The following PLCH2 variants were observed in gnomAD, a reference collection of about 807,000 sequenced individuals.
The protein encoded by PLCH2 is phospholipase C eta 2.
Under a neutral mutation model 134.7 loss-of-function variants are expected in PLCH2, and 98 were observed. The observed-to-expected ratio is 0.73, with a 90% CI of 0.62 to 0.86. The LOEUF (loss-of-function observed/expected upper bound fraction) is 0.86. PLCH2 is among the 40% of genes least tolerant of loss of function. The probability of loss-of-function intolerance (pLI) is 0.00; values close to 1 mark genes in which losing one functional copy is unlikely to be tolerated. For missense variants in PLCH2, 1,994 were observed against 1,986.6 expected, an observed-to-expected ratio of 1.00 and a Z score of -0.07; for synonymous variants, 974 against 827.5, an observed-to-expected ratio of 1.18 and a Z score of -3.04.
chr1:2,498,857 C>T lies in PLCH2; in HGVS notation c.2434+29C>T. Reference sequence around the variant, plus strand: ...AGGCTGGGCCGTGGCTCCGTCACACCTGTGATGGAAGTCTGAGGGGGGAGG... The same window carrying T: ...AGGCTGGGCCGTGGCTCCGTCACACTTGTGATGGAAGTCTGAGGGGGGAGG... On this transcript the variant is annotated intron_variant, in intron 18 of 21. Coordinates refer to ENST00000378486, the MANE Select transcript of PLCH2 (RefSeq NM_014638.4). The surrounding 1 kb of genome is among the most constrained non-coding windows in gnomAD (Gnocchi z 5.4). 1 of 1,544,696 alleles carries T rather than the reference C, an allele frequency of 6.5e-7. No individual in the cohort carries two copies. Among genetic ancestry groups the T allele is most frequent in the East Asian group, 2.3e-5 (1 of 43,978 alleles).
intron 1 of PLCH2, among the ~76,000 whole-genome samples, chr1:2,477,098 G>A (rs552592726): frequency 2.6e-5 from 4 of 152,294 alleles, no homozygotes; most frequent in East Asian, 1.9e-4. Context: ...GGCCTTTGCC[G>A]TTAGGAGACT....
At chr1:2,484,158 G>A (rs1003636751) in intron 4 of PLCH2, among the ~76,000 whole-genome samples, 2 of 152,136 alleles carry the variant, frequency 1.3e-5, no homozygotes, top group African/African-American at 4.8e-5. Context: ...CTTCCGTGTG[G>A]GTAGTGTTAA....
Position 2,484,509 on chromosome 1 carries a change from A to T in PLCH2, c.707A>T (p.Lys236Met). 6.2e-7 allele frequency: 1 copy of T among 1,613,344 alleles called. No homozygotes were observed. The highest frequency in any genetic ancestry group is 8.5e-7 in the Non-Finnish European group (1 of 1,179,792). The stretch of plus-strand genomic sequence containing the variant: ...TTTGAAGAGTTCTGTGCCTTCTACA[A>T]GATGATGTCCACCCGCCGGGACCTC... ...LGFEEFCAFY[K>M]MMSTRRDLYL... Residue 236 changes from lysine (K) to methionine (M), a missense_variant, in exon 5 of 22, where the codon AAG (lysine) becomes ATG (methionine). Physicochemically the swap from Lys to Met is moderately conservative, Grantham distance 95 (BLOSUM62 -1). Transcript: ENST00000378486.
chr1:2,501,513 A>C (rs1221680353), intron 20 of PLCH2: 2 of 152,288 alleles, frequency 1.3e-5, no homozygotes, highest in East Asian at 3.9e-4. Flanking sequence ...AGACCAGAAA[A>C]GGCTGCCTGG....
chr1:2,430,705 G>A (rs1639028338), intron 2 of PLCH2: 1 of 152,292 alleles, frequency 6.6e-6, no homozygotes, highest in Admixed American at 6.5e-5. Flanking sequence ...TCTGTTTCCT[G>A]GAGCCCAGGG....
Position 2,487,177 on chromosome 1 carries a change from C to T in PLCH2, c.915C>T (p.Phe305=), listed in dbSNP as rs1157893011. The change falls in exon 7 of 22, where the codon TTC becomes TTT. Residue 305 remains phenylalanine, a synonymous_variant. Coordinates refer to ENST00000378486, the MANE Select transcript of PLCH2 (RefSeq NM_014638.4). ...KSKGLLGIDG[F]TNYTRSPAGD... is the part of the protein sequence containing the mutation. The stretch of plus-strand genomic sequence containing the variant: ...CTATGCCACGCCGTCCTGCAGGCTT[C>T]ACCAACTACACCAGGAGCCCTGCTG... The T allele has an allele frequency of 1.9e-6, 3 of 1,563,884 alleles. No homozygotes were observed. In the Admixed American group the frequency reaches 5.7e-5, roughly 30 times the overall value.
chr1:2,489,217 A>G lies in PLCH2; in HGVS notation c.1246A>G (p.Ile416Val), dbSNP rs1570443747. 4 of 1,613,728 alleles carry G rather than the reference A, an allele frequency of 2.5e-6. No homozygotes were observed. The South Asian group carries it at 4.4e-5, about 18-fold the overall frequency. Residue 416 changes from isoleucine (I) to valine (V), a missense_variant, in exon 9 of 22, where the codon ATC becomes GTC. Physicochemically the swap from Ile to Val is conservative, Grantham distance 29. Around this residue, in one of 2 missense-constraint regions of PLCH2, gnomAD observed 1,094 missense variants for 1,234.3 expected, o/e 0.89. Coordinates refer to ENST00000378486, the MANE Select transcript of PLCH2 (RefSeq NM_014638.4). ...GCCTTGGGGCCACAGGTACCCAGTG[A>G]TCCTGTCCATCGAAAACCACTGCAG... ...YAFIKNEYPV[I>V]LSIENHCSVI...
At chr1:2,480,346 G>A in intron 4 of PLCH2, 34 bp downstream of exon 4, 2 of 1,602,500 alleles carry the variant, frequency 1.2e-6, no homozygotes, top group Middle Eastern at 1.7e-4. Context: ...GGGCTCCAGA[G>A]CCAGGGCTGC....
chr1:2,441,744 G>A lies in PLCH2; in HGVS notation c.115+11115G>A, dbSNP rs72644618. Among the ~76,000 whole-genome samples the A allele has an allele frequency of 3.0e-3, 452 of 152,270 alleles. 1 individual carries two copies. Among genetic ancestry groups the A allele is most frequent in the Non-Finnish European group, 5.0e-3 (339 of 68,008 alleles). ...CCCGTGGGCCAGTGTGGCCAAGGGA[G>A]CCAGGAACTAGCCTTTCCTTGGAGG... On this transcript the variant is annotated intron_variant, in intron 2 of 3. Transcript: ENST00000609981.
rs1056759680 is a variant in PLCH2, at chr1:2,494,742, G to C, written c.1660-114G>C. On this transcript the variant is annotated intron_variant, in intron 11 of 21. Transcript: ENST00000378486. ...CTCCCGTCTGCCTTACTCCAGACCT[G>C]GCTCAAGCCCACCTCTTCCAGGAAG... 6 of 638,520 alleles carry C rather than the reference G, an allele frequency of 9.4e-6. No individual in the cohort carries two copies. In the African/African-American group the frequency reaches 1.1e-4, roughly 11 times the overall value. 39.6% of individuals were successfully genotyped at this position (638,520 alleles called of 1,614,324 possible).
rs372011306 is a variant in PLCH2 at position 2,491,132 on chromosome 1, A to G, written c.1516-60A>G. On this transcript the variant is annotated intron_variant, in intron 10 of 21. Coordinates refer to ENST00000378486, the MANE Select transcript of PLCH2 (RefSeq NM_014638.4). ...GAGTGCTGTGACCCTGGGGGTTGTC[A>G]TTGCCACTACTCGCAGGGCTCGGGA... 3.9e-6 allele frequency: 6 copies of G among 1,528,230 alleles called. No homozygotes were observed. The African/African-American group carries it at 6.8e-5, about 17-fold the overall frequency. The allele number at this position is 1,528,230 out of a possible 1,614,324, so 94.7% of individuals were successfully genotyped here.
At chr1:2,473,089 C>G (rs1641413970), upstream of PLCH2, among the ~76,000 whole-genome samples, 1 of 152,164 alleles carries the variant, frequency 6.6e-6, no homozygotes, top group Non-Finnish European at 1.5e-5. Context: ...GCCATAAAAA[C>G]AAAATTAAGC....
At chr1:2,490,598 C>T (rs866465386) in intron 10 of PLCH2, among the ~76,000 whole-genome samples, 3 of 152,280 alleles carry the variant, frequency 2.0e-5, no homozygotes, top group African/African-American at 7.2e-5. Context: ...CTCCTGGCCA[C>T]GCGGCCAACC....
chr1:2,478,363 G>A (rs1030422711), intron 1 of PLCH2, 113 bp from the exon 2 acceptor site: 39 of 1,332,986 alleles, frequency 2.9e-5, no homozygotes, highest in East Asian at 7.2e-5. Context: ...CCGTGCCTCC[G>A]CTGACGGCCG....
At chr1:2,502,532 G>A (rs911292556) in intron 21 of PLCH2, 123 bp downstream of exon 21, 13 of 1,065,418 alleles carry the variant, frequency 1.2e-5, no homozygotes, top group African/African-American at 3.1e-5. Context: ...GGGATCCTGC[G>A]CCGGCGTGAA....
chr1:2,494,110 G>A (rs1457761148), intron 11 of PLCH2, among the ~76,000 whole-genome samples: 1 of 152,196 alleles, frequency 6.6e-6, no homozygotes, highest in East Asian at 1.9e-4. Context: ...GTGGGGGACA[G>A]GATGTGGTAT....
chr1:2,503,685 AAGG>A, intron 21 of PLCH2: 1 of 660,360 alleles, frequency 1.5e-6, no homozygotes, highest in Admixed American at 2.2e-5. Flanking sequence ...GTCCCAGCCC[AAGG>A]AGGGCCCCGT....
In PLCH2 at chr1:2,487,198, T is replaced by A; in HGVS notation, c.936T>A (p.Pro312=). The change falls in exon 7 of 22, where the codon CCT becomes CCA. Residue 312 remains proline (P), a synonymous_variant. Coordinates refer to ENST00000378486, the MANE Select transcript of PLCH2 (RefSeq NM_014638.4). ...GCTTCACCAACTACACCAGGAGCCC[T>A]GCTGGTGACATCTTCAACCCTGAGC... ...IDGFTNYTRS[P]AGDIFNPEHH... 1.3e-6 allele frequency: 2 copies of A among 1,581,778 alleles called. No homozygotes were observed. Among genetic ancestry groups the A allele is most frequent in the African/African-American group, 1.3e-5 (1 of 74,352 alleles).
At chr1:2,431,475 C>T (rs939551479) in intron 2 of PLCH2, among the ~76,000 whole-genome samples, 3 of 152,158 alleles carry the variant, frequency 2.0e-5, no homozygotes, top group Non-Finnish European at 4.4e-5. Context: ...CTGCACACAG[C>T]CCCTGCCGGG....
Sources: allele counts gnomAD v4.1 joint callset (sites outside exome capture counted in the v4.1 genomes callset), GRCh38; gene constraint gnomAD v4.1.1; regional missense constraint gnomAD v4.1.1; non-coding constraint Gnocchi (gnomAD v3.1); transcripts MANE v1.5; gene names NCBI Gene and HGNC (gene_info 2026-07-23, HGNC 2026-07-21).